MAPK8: variants seen among roughly 807,000 people sequenced by gnomAD.
The protein encoded by MAPK8 is mitogen-activated protein kinase 8.
Under a neutral mutation model 52.9 loss-of-function variants are expected in MAPK8, and 13 were observed. The observed-to-expected ratio is 0.25, with a 90% CI of 0.16 to 0.39. MAPK8 has a LOEUF of 0.39. Among genes scored for constraint, MAPK8 ranks in the 10% least tolerant of loss-of-function variants. The pLI is 1.00. For missense variants in MAPK8, 300 were observed against 519.2 expected, an observed-to-expected ratio of 0.58 and a Z score of 4.10; for synonymous variants, 191 against 169.8, an observed-to-expected ratio of 1.12 and a Z score of -0.97.
rs2042672007 is a variant in MAPK8, at chr10:48,410,160, A to G, written c.442A>G (p.Ile148Val). The G allele has an allele frequency of 3.3e-6, 5 of 1,532,238 alleles. No homozygotes were observed. The highest frequency in any genetic ancestry group is 4.4e-6 in the Non-Finnish European group (5 of 1,142,996). 94.9% of individuals were successfully genotyped at this position (1,532,238 alleles called of 1,614,324 possible). A position where few individuals can be genotyped will look rare whatever the true frequency, so the allele number is the denominator to read the frequency against. The stretch of plus-strand genomic sequence containing the variant: ...CAAGCACCTTCATTCTGCTGGAATT[A>G]TTCATCGGGTTAGTAGAAGAAACTA... Reference protein sequence around the residue: ...GIKHLHSAGIIHRDLKPSNIV... With the variant: ...GIKHLHSAGIVHRDLKPSNIV... Residue 148 changes from isoleucine (I) to valine (V), a missense_variant, in exon 5 of 12, where the codon ATT (isoleucine) becomes GTT (valine). By Grantham distance (29) the Ile-to-Val change is conservative (BLOSUM62 3). This residue lies in a region of MAPK8 where 147 missense variants were observed against 328.1 expected (regional missense o/e 0.45). Coordinates refer to ENST00000374189, the MANE Select transcript of MAPK8 (RefSeq NM_001323329.2).
At chr10:48,421,276 C>G (rs2043338434) in intron 6 of MAPK8, among the ~76,000 whole-genome samples, 1 of 152,138 alleles carries the variant, frequency 6.6e-6, no homozygotes, top group Non-Finnish European at 1.5e-5. Flanking sequence ...TAAACATTTG[C>G]TATTAATTTT....
chr10:48,338,584 A>G (rs79331944), intron 1 of MAPK8, among the ~76,000 whole-genome samples: 3,462 of 152,260 alleles, frequency 0.023, 143 homozygotes, highest in African/African-American at 0.079. Flanking sequence ...AGCCAAAGCA[A>G]TCAGACAAAA....
At chr10:48,384,080 C>T (rs2041168441) in intron 1 of MAPK8, among the ~76,000 whole-genome samples, 1 of 152,188 alleles carries the variant, frequency 6.6e-6, no homozygotes, top group Middle Eastern at 3.4e-3. Flanking sequence ...GATGAGATCC[C>T]GTCTCTACTA....
intron 1 of MAPK8, among the ~76,000 whole-genome samples, chr10:48,389,229 TAAG>T (rs1377109134): frequency 1.3e-5 from 2 of 152,164 alleles, no homozygotes; most frequent in African/African-American, 4.8e-5. Context: ...TGAGGGCTAA[TAAG>T]GAGTGAGGTT....
At chr10:48,402,683 T>C (rs553411305) in intron 2 of MAPK8, among the ~76,000 whole-genome samples, 3 of 152,298 alleles carry the variant, frequency 2.0e-5, no homozygotes, top group African/African-American at 7.2e-5. Context: ...AATTTCAGAA[T>C]CTATTCTAAA....
intron 2 of MAPK8, among the ~76,000 whole-genome samples, 187 bp from the exon 3 acceptor site, chr10:48,404,665 G>T (rs978336164): frequency 6.6e-6 from 1 of 152,124 alleles, no homozygotes; most frequent in South Asian, 2.1e-4. Context: ...TAGCATTTTA[G>T]GAAATAGTTG....
chr10:48,328,166 G>A (rs1249985734), intron 1 of MAPK8, among the ~76,000 whole-genome samples: 1 of 152,106 alleles, frequency 6.6e-6, no homozygotes, highest in East Asian at 1.9e-4. Context: ...ACAGGTACAT[G>A]CCGCCATGCC....
intron 1 of MAPK8, among the ~76,000 whole-genome samples, chr10:48,382,475 G>C (rs1038740091): frequency 1.3e-5 from 2 of 151,982 alleles, no homozygotes; most frequent in East Asian, 3.9e-4. Flanking sequence ...AGATTTCATA[G>C]CTTTGATATA....
intron 1 of MAPK8, among the ~76,000 whole-genome samples, chr10:48,393,801 A>G (rs1332999374): frequency 1.3e-5 from 2 of 152,090 alleles, no homozygotes; most frequent in Non-Finnish European, 2.9e-5. Flanking sequence ...AATAGCTCCA[A>G]AACAAGCAAT....
Position 48,426,255 on chromosome 10 carries a change from A to G in MAPK8, c.872-125A>G, listed in dbSNP as rs980429575. On this transcript the variant is annotated intron_variant, in intron 8 of 11. Coordinates refer to ENST00000374189, the MANE Select transcript of MAPK8 (RefSeq NM_001323329.2). ...AATCTTATATATTTTAATCATATGT[A>G]TAAGATAATTTTACAGTAATATTTT... 35 of 892,202 alleles carry G rather than the reference A, an allele frequency of 3.9e-5. No homozygotes were observed. The African/African-American group carries it at 4.9e-4, about 12-fold the overall frequency. 55.3% of individuals were successfully genotyped at this position (892,202 alleles called of 1,614,324 possible).
intron 1 of MAPK8, among the ~76,000 whole-genome samples, chr10:48,393,314 A>G (rs2041722702): frequency 6.6e-6 from 1 of 151,976 alleles, no homozygotes; most frequent in Non-Finnish European, 1.5e-5. Context: ...AAGACTTACA[A>G]CTTCTCTTCC....
At chr10:48,333,282 C>T (rs1844325809) in intron 1 of MAPK8, among the ~76,000 whole-genome samples, 1 of 152,218 alleles carries the variant, frequency 6.6e-6, no homozygotes, top group South Asian at 2.1e-4. Context: ...TAACCATCTT[C>T]CAGCTCTTTG....
At chr10:48,426,340 C>G in intron 8 of MAPK8, 40 bp from the exon 9 acceptor site, 1 of 1,519,522 alleles carries the variant, frequency 6.6e-7, no homozygotes, top group Non-Finnish European at 8.8e-7. Flanking sequence ...ATTTGAGAAT[C>G]TTTACAAATA....
At chr10:48,360,992 A>C (rs1847467423) in intron 1 of MAPK8, among the ~76,000 whole-genome samples, 1 of 152,116 alleles carries the variant, frequency 6.6e-6, no homozygotes, top group Non-Finnish European at 1.5e-5. Flanking sequence ...TGTAAGATGC[A>C]TTTTTTGTAC....
intron 1 of MAPK8, among the ~76,000 whole-genome samples, chr10:48,397,693 C>T (rs1173709800): frequency 5.9e-5 from 9 of 151,848 alleles, no homozygotes; most frequent in Admixed American, 3.3e-4. Context: ...AGGGTTCAAG[C>T]GATTCTCCTG....
Position 48,407,678 on chromosome 10 carries a change from A to G in MAPK8, c.253-2201A>G, listed in dbSNP as rs186169791. Among the ~76,000 whole-genome samples, 21 of 152,274 alleles carry G rather than the reference A, an allele frequency of 1.4e-4. No individual in the cohort carries two copies. In the East Asian group the frequency reaches 4.1e-3, roughly 29 times the overall value. On this transcript the variant is annotated intron_variant, in intron 3 of 11. Transcript: ENST00000374189. ...CCATTCAGTGGTTTTTAGTATATTC[A>G]GTGATATGTGGGACCATCACTACAG...
chr10:48,365,504 CT>C (rs1259787549), intron 1 of MAPK8, among the ~76,000 whole-genome samples: 2 of 152,004 alleles, frequency 1.3e-5, no homozygotes, highest in African/African-American at 2.4e-5. Flanking sequence ...TATTTTTGTT[CT>C]TTTTTTATGT....
chr10:48,396,725 AAG>A (rs1488719470), intron 1 of MAPK8, among the ~76,000 whole-genome samples: 1 of 152,222 alleles, frequency 6.6e-6, no homozygotes, highest in Admixed American at 6.5e-5. Context: ...CAGTAAGAAA[AAG>A]AGCAAGCTAT....
chr10:48,338,879 G>A (rs1844960187), intron 1 of MAPK8, among the ~76,000 whole-genome samples: 1 of 151,614 alleles, frequency 6.6e-6, no homozygotes, highest in African/African-American at 2.4e-5. Flanking sequence ...ATTTAACCAA[G>A]GAAGGGAAAG....
Sources: gnomAD v4.1 joint callset for allele counts (sites outside exome capture counted in the v4.1 genomes callset) on GRCh38, gnomAD v4.1.1 for gene constraint, gnomAD v4.1.1 regional missense constraint, MANE v1.5 for transcripts, NCBI Gene and HGNC (gene_info 2026-07-23, HGNC 2026-07-21) for gene names.